The following UGP2 variants were observed in gnomAD, a reference collection of about 807,000 sequenced individuals.
UGP2 encodes UDP-glucose pyrophosphorylase 2.
In UGP2, 40 loss-of-function variants were observed where a neutral mutation model predicts 49.0. The observed-to-expected ratio is 0.82, with a 90% CI of 0.63 to 1.06. The LOEUF (loss-of-function observed/expected upper bound fraction) is 1.06. Among genes scored for constraint, UGP2 ranks in the 50% least tolerant of loss-of-function variants. The pLI is 0.00. For synonymous variants in UGP2, 225 were observed against 213.0 expected, an observed-to-expected ratio of 1.06 and a Z score of -0.49; for missense variants, 460 against 603.5, an observed-to-expected ratio of 0.76 and a Z score of 2.49.
intron 1 of UGP2, among the ~76,000 whole-genome samples, chr2:63,848,016 A>G (rs1276863072): frequency 1.3e-5 from 2 of 152,212 alleles, no homozygotes; most frequent in African/African-American, 4.8e-5. Flanking sequence ...AATGAAGAAG[A>G]GTGTGTTAAC....
At chr2:63,879,637 A>G (rs1671156222) in intron 3 of UGP2, among the ~76,000 whole-genome samples, 1 of 152,256 alleles carries the variant, frequency 6.6e-6, no homozygotes, top group African/African-American at 2.4e-5. Context: ...CTATAGAATG[A>G]AAGTCCGGAT....
Position 63,891,231 on chromosome 2 carries a change from G to T in UGP2, c.*4G>T. Reference sequence around the variant, plus strand: ...CCTTCGCATCTTGGACCACTGAAATGAAAAATACTGTGGACACTTAAATAA... The same window carrying T: ...CCTTCGCATCTTGGACCACTGAAATTAAAAATACTGTGGACACTTAAATAA... On this transcript the variant is annotated 3_prime_UTR_variant, in exon 10 of 10. Transcript: ENST00000337130. The T allele has an allele frequency of 6.2e-7, 1 of 1,606,440 alleles. No homozygotes were observed. The highest frequency in any genetic ancestry group is 1.1e-5 in the South Asian group (1 of 90,504).
rs1447457254 is a variant in UGP2 at position 63,856,312 on chromosome 2, G to A, written c.26G>A (p.Ser9Asn). 1.9e-6 allele frequency: 3 copies of A among 1,612,218 alleles called. No homozygotes were observed. Among genetic ancestry groups the A allele is most frequent in the Non-Finnish European group, 2.5e-6 (3 of 1,179,516 alleles). Residue 9 changes from serine to asparagine, a missense_variant, in exon 2 of 10, where the codon AGC becomes AAC. Ser to Asn is a conservative substitution (Grantham distance 46). This residue lies in a region of UGP2 where 143 missense variants were observed against 130.4 expected (regional missense o/e 1.10). Coordinates refer to ENST00000337130, the MANE Select transcript of UGP2 (RefSeq NM_006759.4). MSRFVQDLSKAMSQDGASQ... is the reference protein window; with the variant it reads MSRFVQDLNKAMSQDGASQ... ...TTTATGTTTTTGTTTTAAGATCTTA[G>A]CAAAGCAATGTCTCAAGATGGTGCT...
chr2:63,858,120 A>T, intron 3 of UGP2, 184 bp downstream of exon 3: 1 of 583,828 alleles, frequency 1.7e-6, no homozygotes, highest in South Asian at 2.1e-5. Flanking sequence ...CCCTTCTTTT[A>T]GACCTCTGAG....
At chr2:63,847,248 T>C (rs1171753259) in intron 1 of UGP2, among the ~76,000 whole-genome samples, 1 of 152,208 alleles carries the variant, frequency 6.6e-6, no homozygotes, top group Non-Finnish European at 1.5e-5. Flanking sequence ...TTTTAGTCCA[T>C]AGGTATTTTC....
intron 1 of UGP2, among the ~76,000 whole-genome samples, chr2:63,849,703 C>T (rs1231581077): frequency 6.6e-6 from 1 of 152,178 alleles, no homozygotes; most frequent in African/African-American, 2.4e-5. Flanking sequence ...CATGTAAATA[C>T]ACTGTAACTG....
intron 2 of UGP2, chr2:63,856,644 AG>A: frequency 1.7e-6 from 1 of 587,300 alleles, no homozygotes; most frequent in Non-Finnish European, 3.0e-6. Flanking sequence ...ATTTAAGCCT[AG>A]GAAGTTTTCA....
At chr2:63,841,679 C>T (rs961093802), upstream of UGP2, 1 of 153,196 alleles carries the variant, frequency 6.5e-6, no homozygotes, top group Non-Finnish European at 1.5e-5. Context: ...CCTCCCCGAC[C>T]CCTGCTTGGG....
At chr2:63,888,503 A>C (rs1325270954) in intron 8 of UGP2, 3 of 152,228 alleles carry the variant, frequency 2.0e-5, no homozygotes, top group Non-Finnish European at 4.4e-5. Context: ...AAAACAAGAT[A>C]ATTCTTGACT....
intron 6 of UGP2, 95 bp from the exon 7 acceptor site, chr2:63,886,246 A>G (rs545023216): frequency 7.5e-6 from 9 of 1,196,336 alleles, no homozygotes; most frequent in African/African-American, 3.1e-5. Flanking sequence ...TACATAATGT[A>G]TTTATATATT....
intron 3 of UGP2, among the ~76,000 whole-genome samples, chr2:63,876,634 C>G (rs1040179794): frequency 3.9e-5 from 6 of 152,218 alleles, no homozygotes. Context: ...ACATAAAGAA[C>G]CATGGTTCCT....
At position 63,885,571 on chromosome 2, in the gene UGP2, AC is replaced by A; in HGVS notation, c.576-17del. The stretch of plus-strand genomic sequence containing the variant: ...TCTACAGGGTCAATATTGAAAAAGA[AC>A]TTTTTTTTTTTTAAAGGTACCCGAG... On this transcript the variant is annotated splice_polypyrimidine_tract_variant and intron_variant, in intron 5 of 9. Coordinates refer to ENST00000337130, the MANE Select transcript of UGP2 (RefSeq NM_006759.4). 6.7e-7 allele frequency: 1 copy of A among 1,483,986 alleles called. No individual in the cohort carries two copies. The highest frequency in any genetic ancestry group is 1.8e-4 in the Middle Eastern group (1 of 5,578). The allele number at this position is 1,483,986 out of a possible 1,614,324, so 91.9% of individuals were successfully genotyped here. A position where few individuals can be genotyped will look rare whatever the true frequency, so the allele number is the denominator to read the frequency against.
intron 3 of UGP2, among the ~76,000 whole-genome samples, chr2:63,860,762 ATTTTTTTTTTT>A (rs556819048): frequency 8.1e-5 from 10 of 123,688 alleles, no homozygotes; most frequent in African/African-American, 2.7e-4. Flanking sequence ...GGCCCAGCTA[ATTTTTTTTTTT>A]TTTTTTTTTT....
rs199713369 is a variant in UGP2, at chr2:63,887,629, C to T, written c.1299C>T (p.Gly433=). 300 of 1,614,060 alleles carry T rather than the reference C, an allele frequency of 1.9e-4. 2 individuals carry two copies. The East Asian group carries it at 6.5e-3, about 35-fold the overall frequency. The change falls in exon 8 of 10, where the codon GGC becomes GGT. Residue 433 remains glycine (G), a synonymous_variant. Transcript: ENST00000337130. ...CTACAGTGCCCTTGGTTAAATTAGG[C>T]AGTTCTTTTACGAAGGTACGTAACT... ...EFPTVPLVKL[G]SSFTKVQDYL...
chr2:63,859,504 G>C (rs1175830328), intron 3 of UGP2, among the ~76,000 whole-genome samples: 1 of 152,066 alleles, frequency 6.6e-6, no homozygotes, highest in Non-Finnish European at 1.5e-5. Context: ...AGGGATTCTT[G>C]AAGTGGGGGT....
intron 1 of UGP2, chr2:63,855,554 CTTT>C (rs1669353005): frequency 1.6e-5 from 2 of 121,596 alleles, no homozygotes; most frequent in Non-Finnish European, 3.0e-5. Flanking sequence ...CTTTTCTTTT[CTTT>C]TTGAGACAGG....
chr2:63,880,105 C>G (rs1220205769), intron 3 of UGP2, among the ~76,000 whole-genome samples: 2 of 152,122 alleles, frequency 1.3e-5, no homozygotes, highest in African/African-American at 2.4e-5. Context: ...AGGCTACTTA[C>G]AGCCATTGAT....
chr2:63,860,177 G>T (rs570436077), intron 3 of UGP2, among the ~76,000 whole-genome samples: 4 of 152,182 alleles, frequency 2.6e-5, no homozygotes, highest in African/African-American at 7.2e-5. Flanking sequence ...TAAGTAAAAA[G>T]AAATTACTGT....
At chr2:63,883,649 GGGTGGGGA>G (rs1455297516) in intron 4 of UGP2, among the ~76,000 whole-genome samples, 1 of 152,180 alleles carries the variant, frequency 6.6e-6, no homozygotes, top group Non-Finnish European at 1.5e-5. Context: ...AAACTGCCTA[GGGTGGGGA>G]GGTGGGGGTC....
Sources: allele counts gnomAD v4.1 joint callset (sites outside exome capture counted in the v4.1 genomes callset), GRCh38; gene constraint gnomAD v4.1.1; regional missense constraint gnomAD v4.1.1; transcripts MANE v1.5; gene names NCBI Gene and HGNC (gene_info 2026-07-23, HGNC 2026-07-21).